PDSS2: variants seen among roughly 807,000 people sequenced by gnomAD.
PDSS2 encodes all trans-polyprenyl-diphosphate synthase PDSS2.
In PDSS2, 31 loss-of-function variants were observed where a neutral mutation model predicts 44.5. The ratio of observed to expected loss-of-function variants is 0.70; its 90% CI spans 0.52 to 0.94. PDSS2 has a LOEUF of 0.94. PDSS2 is among the 40% of genes least tolerant of loss of function. The pLI is 0.00. For missense variants in PDSS2, 452 were observed against 482.2 expected (o/e 0.94, Z 0.59); for synonymous variants, 157 against 180.3 (o/e 0.87, Z 1.03).
intron 3 of PDSS2, among the ~76,000 whole-genome samples, chr6:107,253,193 G>A (rs866927814): frequency 4.9e-4 from 74 of 151,888 alleles, no homozygotes; most frequent in African/African-American, 1.6e-3. Context: ...GCGCCACCAC[G>A]CCTGGCTAAT....
chr6:107,170,364 T>G (rs1207393481), intron 7 of PDSS2, among the ~76,000 whole-genome samples: 2 of 152,194 alleles, frequency 1.3e-5, no homozygotes, highest in Non-Finnish European at 2.9e-5. Flanking sequence ...GATTTTCCAG[T>G]TGCCATCTGT....
chr6:107,361,446 C>T (rs1320166605), intron 1 of PDSS2, among the ~76,000 whole-genome samples: 4 of 152,156 alleles, frequency 2.6e-5, no homozygotes, highest in African/African-American at 9.7e-5. Flanking sequence ...TGCTCTCTGA[C>T]CCATTTCATT....
chr6:107,207,011 T>C (rs1325578933), intron 6 of PDSS2, among the ~76,000 whole-genome samples: 1 of 148,452 alleles, frequency 6.7e-6, no homozygotes, highest in East Asian at 2.1e-4. Context: ...TTTTTTTTTT[T>C]AGACGGAGTC....
intron 7 of PDSS2, among the ~76,000 whole-genome samples, chr6:107,166,452 C>T (rs1426711820): frequency 2.7e-5 from 4 of 150,422 alleles, no homozygotes; most frequent in Non-Finnish European, 5.9e-5. Flanking sequence ...GCAAACTCCG[C>T]CTCCTGGGTT....
intron 2 of PDSS2, among the ~76,000 whole-genome samples, chr6:107,274,762 T>C (rs1402464145): frequency 7.2e-6 from 1 of 139,334 alleles, no homozygotes; most frequent in African/African-American, 2.6e-5. Flanking sequence ...AACCTCCACC[T>C]CCCAGGCTCA....
At chr6:107,288,741 C>T (rs911699966) in intron 2 of PDSS2, among the ~76,000 whole-genome samples, 4 of 140,596 alleles carry the variant, frequency 2.8e-5, no homozygotes, top group East Asian at 2.2e-4. Context: ...ATGAAGATGC[C>T]GGGACGAAAT....
intron 3 of PDSS2, among the ~76,000 whole-genome samples, chr6:107,263,628 A>G (rs1285184853): frequency 1.3e-5 from 2 of 152,176 alleles, no homozygotes; most frequent in East Asian, 3.8e-4. Flanking sequence ...TGTGGCTTCA[A>G]AATGGGCAAA....
At chr6:107,375,662 G>C (rs1002165472) in intron 1 of PDSS2, among the ~76,000 whole-genome samples, 5 of 152,162 alleles carry the variant, frequency 3.3e-5, no homozygotes, top group Non-Finnish European at 7.3e-5. Context: ...CATTTTATGA[G>C]GCCAGCATTA....
chr6:107,330,633 T>C (rs1777684667), intron 2 of PDSS2, among the ~76,000 whole-genome samples: 1 of 152,222 alleles, frequency 6.6e-6, no homozygotes, highest in Admixed American at 6.5e-5. Flanking sequence ...CTATCTTTTG[T>C]ACACAAAATA....
At chr6:107,173,434 C>T (rs1204006103) in intron 7 of PDSS2, among the ~76,000 whole-genome samples, 3 of 150,176 alleles carry the variant, frequency 2.0e-5, no homozygotes, top group African/African-American at 4.9e-5. Flanking sequence ...ATTAGTTGGG[C>T]GTGGTGGTGC....
intron 1 of PDSS2, among the ~76,000 whole-genome samples, chr6:107,406,113 T>C (rs1477401591): frequency 6.6e-6 from 1 of 152,164 alleles, no homozygotes; most frequent in East Asian, 1.9e-4. Context: ...GCTTTATCAA[T>C]TTATCAGAAT....
chr6:107,225,155 A>ATT (rs1185535053), intron 4 of PDSS2, among the ~76,000 whole-genome samples: 1,413 of 51,000 alleles, frequency 0.028, 62 homozygotes, highest in African/African-American at 0.093. Flanking sequence ...ATATATATAT[A>ATT]TATATATTTT....
chr6:107,415,281 T>C (rs1780621967), intron 1 of PDSS2, among the ~76,000 whole-genome samples: 1 of 152,182 alleles, frequency 6.6e-6, no homozygotes, highest in Admixed American at 6.5e-5. Flanking sequence ...AATATCTTTT[T>C]ACCTCCCATT....
At chr6:107,253,332 G>A (rs544343845) in intron 3 of PDSS2, among the ~76,000 whole-genome samples, 18 of 152,276 alleles carry the variant, frequency 1.2e-4, no homozygotes, top group East Asian at 3.9e-4. Context: ...CACTGCACCC[G>A]GCCATGTTTG....
intron 1 of PDSS2, among the ~76,000 whole-genome samples, chr6:107,341,781 T>C (rs1194963423): frequency 6.6e-6 from 1 of 152,126 alleles, no homozygotes; most frequent in Non-Finnish European, 1.5e-5. Context: ...GGACTTACTA[T>C]AAACCTCTAG....
At chr6:107,446,913 T>G (rs375953271) in intron 1 of PDSS2, among the ~76,000 whole-genome samples, 1 of 151,894 alleles carries the variant, frequency 6.6e-6, no homozygotes, top group East Asian at 1.9e-4. Context: ...TGCTCACATT[T>G]CAAAATGCAG....
At chr6:107,367,107 G>A (rs1778981124) in intron 1 of PDSS2, among the ~76,000 whole-genome samples, 1 of 152,016 alleles carries the variant, frequency 6.6e-6, no homozygotes, top group African/African-American at 2.4e-5. Flanking sequence ...ACTGAATCTA[G>A]CAATATAAAA....
chr6:107,442,364 C>A (rs1781535254), intron 1 of PDSS2, among the ~76,000 whole-genome samples: 1 of 152,182 alleles, frequency 6.6e-6, no homozygotes, highest in Admixed American at 6.5e-5. Flanking sequence ...TCGCACTGAG[C>A]TGAGATCACA....
intron 4 of PDSS2, among the ~76,000 whole-genome samples, chr6:107,226,340 G>A (rs1291114639): frequency 2.0e-5 from 3 of 152,120 alleles, no homozygotes. Context: ...TATAAACTGA[G>A]ATACTTCTGA....
Sources: gnomAD v4.1 joint callset for allele counts (sites outside exome capture counted in the v4.1 genomes callset) on GRCh38, gnomAD v4.1.1 for gene constraint, MANE v1.5 for transcripts, NCBI Gene and HGNC (gene_info 2026-07-23, HGNC 2026-07-21) for gene names.